The following CASK variants were observed in gnomAD, a reference collection of about 807,000 sequenced individuals.
CASK encodes peripheral plasma membrane protein CASK.
CASK carries 4 observed loss-of-function variants against 82.9 expected under a neutral mutation model. That is an observed-to-expected ratio of 0.05 (90% CI 0.02 to 0.11). The LOEUF is 0.11. Among genes scored for constraint, CASK ranks in the 10% least tolerant of loss-of-function variants. The probability of loss-of-function intolerance (pLI) is 1.00; values close to 1 mark genes in which losing one functional copy is unlikely to be tolerated. For missense variants in CASK, 358 were observed against 720.9 expected, an observed-to-expected ratio of 0.50 and a Z score of 5.76; for synonymous variants, 259 against 253.5, an observed-to-expected ratio of 1.02 and a Z score of -0.20.
rs748103610 is a variant in CASK at position 41,862,537 on chromosome X, T to C, written c.60-9310A>G. Among the ~76,000 whole-genome samples, 210 of 76,230 alleles carry C rather than the reference T, an allele frequency of 2.8e-3. 2 individuals are homozygous for C. Among genetic ancestry groups the C allele is most frequent in the Middle Eastern group, 0.024 (3 of 127 alleles). The allele number at this position is 76,230 out of a possible 115,157, so 66.2% of individuals were successfully genotyped here. On this transcript the variant is annotated intron_variant, in intron 1 of 26. Coordinates refer to ENST00000378163, the MANE Select transcript of CASK (RefSeq NM_001367721.1). ...GCCTGGGCAACAGAGCAAGGCTCTG[T>C]CTCAGAAAAAAAAAAAAAAAAAAAA...
chrX:41,921,562 A>AG (rs1240931873), intron 1 of CASK, among the ~76,000 whole-genome samples: 1 of 111,553 alleles, frequency 9.0e-6, no homozygotes, highest in Non-Finnish European at 1.9e-5. Context: ...CACTTCCACA[A>AG]GCACTTTAAC....
At chrX:41,679,220 A>G (rs1230359254) in intron 5 of CASK, among the ~76,000 whole-genome samples, 1 of 111,960 alleles carries the variant, frequency 8.9e-6, no homozygotes, top group Non-Finnish European at 1.9e-5. Flanking sequence ...AAATCCCTAA[A>G]AAAATTCATT....
intron 12 of CASK, among the ~76,000 whole-genome samples, chrX:41,607,053 T>C (rs773585670): frequency 8.9e-6 from 1 of 112,709 alleles, no homozygotes; most frequent in African/African-American, 3.2e-5. Flanking sequence ...CTCTTTCAAA[T>C]TGACCTGCAC....
intron 16 of CASK, among the ~76,000 whole-genome samples, chrX:41,563,135 C>T (rs1350527409): frequency 2.0e-5 from 2 of 101,075 alleles, no homozygotes; most frequent in Admixed American, 1.1e-4. Flanking sequence ...CTGAGTGAGG[C>T]GAGAAGATCA....
chrX:41,615,491 G>C (rs907440676), intron 11 of CASK, among the ~76,000 whole-genome samples: 3 of 111,811 alleles, frequency 2.7e-5, no homozygotes, highest in Non-Finnish European at 5.6e-5. Flanking sequence ...ACTAAAGCCA[G>C]TTCTAAACTT....
At chrX:41,788,872 A>T (rs2069664316) in intron 2 of CASK, among the ~76,000 whole-genome samples, 1 of 111,421 alleles carries the variant, frequency 9.0e-6, no homozygotes, top group Non-Finnish European at 1.9e-5. Context: ...TAAAATTATC[A>T]CACCTCTCAT....
At chrX:41,773,166 C>T (rs774596711) in intron 3 of CASK, among the ~76,000 whole-genome samples, 5 of 109,888 alleles carry the variant, frequency 4.6e-5, no homozygotes, top group Non-Finnish European at 9.5e-5. Context: ...GACAGATCAC[C>T]TGAGCCCAGG....
At chrX:41,695,713 C>T in intron 5 of CASK, 1 of 1,204,894 alleles carries the variant, frequency 8.3e-7, no homozygotes, top group Non-Finnish European at 1.1e-6. Flanking sequence ...CGCTTTATAA[C>T]CAATCATAGC....
At chrX:41,833,830 C>A (rs1048601959) in intron 2 of CASK, among the ~76,000 whole-genome samples, 2 of 111,626 alleles carry the variant, frequency 1.8e-5, no homozygotes, top group Non-Finnish European at 1.9e-5. Context: ...CTCACTGCAG[C>A]CTCGACTTCC....
intron 5 of CASK, among the ~76,000 whole-genome samples, chrX:41,735,969 G>C (rs970262168): frequency 7.2e-5 from 8 of 111,309 alleles, no homozygotes; most frequent in Non-Finnish European, 1.5e-4. Context: ...ACTGAGTATT[G>C]CCTCCCTGAA....
intron 3 of CASK, among the ~76,000 whole-genome samples, chrX:41,772,493 A>G (rs1390237277): frequency 9.0e-6 from 1 of 111,199 alleles, no homozygotes; most frequent in Non-Finnish European, 1.9e-5. Context: ...AGAAGACATG[A>G]CTACAGAACC....
At chrX:41,896,008 G>A (rs892755750) in intron 1 of CASK, among the ~76,000 whole-genome samples, 2 of 111,546 alleles carry the variant, frequency 1.8e-5, no homozygotes, top group Non-Finnish European at 3.8e-5. Flanking sequence ...CTCTGGAGAG[G>A]TTGAATCAGA....
intron 5 of CASK, among the ~76,000 whole-genome samples, chrX:41,721,032 A>C (rs1602519799): frequency 8.9e-6 from 1 of 112,175 alleles, no homozygotes; most frequent in Admixed American, 9.5e-5. Flanking sequence ...TCAAGGAAGT[A>C]AATCCTAAGG....
chrX:41,669,211 G>C (rs1333705520), intron 6 of CASK, among the ~76,000 whole-genome samples: 1 of 111,790 alleles, frequency 8.9e-6, no homozygotes, highest in Non-Finnish European at 1.9e-5. Flanking sequence ...AATTCTAGAA[G>C]CATGGAGAAA....
intron 2 of CASK, chrX:41,790,086 T>C: frequency 3.1e-6 from 1 of 323,855 alleles, no homozygotes. Flanking sequence ...TGCACCACTA[T>C]GCCTGGCTAA....
chrX:41,688,743 G>A (rs183793206), intron 5 of CASK, among the ~76,000 whole-genome samples: 10 of 110,615 alleles, frequency 9.0e-5, no homozygotes, highest in Non-Finnish European at 1.9e-4. Context: ...TTTTGAGCGG[G>A]GGGAGGAAAA....
At chrX:41,737,950 C>G (rs1410040103) in intron 5 of CASK, among the ~76,000 whole-genome samples, 1 of 112,950 alleles carries the variant, frequency 8.9e-6, no homozygotes, top group Non-Finnish European at 1.9e-5. Flanking sequence ...TTTTACCTTT[C>G]CACACTTTTA....
chrX:41,904,333 T>C (rs2072433419), intron 1 of CASK, among the ~76,000 whole-genome samples: 1 of 111,853 alleles, frequency 8.9e-6, no homozygotes, highest in African/African-American at 3.2e-5. Context: ...TCTAGCAAAG[T>C]TGCAGGACAT....
At chrX:41,556,911 T>C in intron 19 of CASK, 121 bp downstream of exon 19, 2 of 570,345 alleles carry the variant, frequency 3.5e-6, no homozygotes, top group Non-Finnish European at 6.2e-6. Context: ...ATTGTAGCTG[T>C]AGTAGCCTTG....
Sources: gnomAD v4.1 joint callset for allele counts (sites outside exome capture counted in the v4.1 genomes callset) on GRCh38, gnomAD v4.1.1 for gene constraint, MANE v1.5 for transcripts, NCBI Gene and HGNC (gene_info 2026-07-23, HGNC 2026-07-21) for gene names.